The following MGAM2 variants were observed in gnomAD, a reference collection of about 807,000 sequenced individuals.
MGAM2 encodes the protein probable maltase-glucoamylase 2.
In MGAM2, 98 loss-of-function variants were observed where a neutral mutation model predicts 96.1. The observed-to-expected ratio is 1.02, with a 90% CI of 0.87 to 1.21. MGAM2 has a LOEUF of 1.21. Among genes scored for constraint, MGAM2 ranks in the 50% most tolerant of loss-of-function variants. The pLI, the probability that MGAM2 is intolerant of heterozygous loss-of-function variation, is 0.00. For synonymous variants in MGAM2, 749 were observed against 414.8 expected (o/e 1.81, Z -9.79); for missense variants, 2,055 against 1,182.4 (o/e 1.74, Z -10.82).
intron 17 of MGAM2, among the ~76,000 whole-genome samples, chr7:142,156,159 A>AC (rs1020294974): frequency 1.9e-4 from 29 of 152,118 alleles, no homozygotes; most frequent in African/African-American, 2.7e-4. Flanking sequence ...ACAAAACAAA[A>AC]AAAAAAACAA....
chr7:142,186,181 A>T (rs1000170475), intron 35 of MGAM2, 58 bp downstream of exon 35: 6 of 687,852 alleles, frequency 8.7e-6, no homozygotes, highest in Non-Finnish European at 1.6e-5. Flanking sequence ...AAGTCAAAAC[A>T]TGGGGAGGAG....
At chr7:142,179,922 C>T (rs1796488957) in intron 32 of MGAM2, among the ~76,000 whole-genome samples, 1 of 152,012 alleles carries the variant, frequency 6.6e-6, no homozygotes, top group Non-Finnish European at 1.5e-5. Flanking sequence ...GGAATAATTT[C>T]AGTAGGATTG....
At chr7:142,189,914 A>T (rs141653039) in intron 37 of MGAM2, among the ~76,000 whole-genome samples, 1 of 152,162 alleles carries the variant, frequency 6.6e-6, no homozygotes, top group Non-Finnish European at 1.5e-5. Flanking sequence ...ATCACACAAT[A>T]TGTGCTCTTT....
At chr7:142,203,808 C>T (rs144892407) in intron 45 of MGAM2, among the ~76,000 whole-genome samples, 1 of 152,072 alleles carries the variant, frequency 6.6e-6, no homozygotes, top group African/African-American at 2.4e-5. Context: ...AAGAATGAAA[C>T]TGAACCCTTA....
intron 35 of MGAM2, among the ~76,000 whole-genome samples, chr7:142,186,939 C>CT (rs1353522154): frequency 6.8e-6 from 1 of 148,126 alleles, no homozygotes; most frequent in Non-Finnish European, 1.5e-5. Context: ...ATAAGAGATG[C>CT]TGATAGCTCT....
At chr7:142,164,533 A>G (rs1795975696) in intron 23 of MGAM2, among the ~76,000 whole-genome samples, 1 of 152,110 alleles carries the variant, frequency 6.6e-6, no homozygotes. Context: ...TTGTGTGCCA[A>G]TGAGGCTCTT....
chr7:142,200,093 G>T (rs193085411), intron 45 of MGAM2, 125 bp downstream of exon 45: 139 of 476,004 alleles, frequency 2.9e-4, no homozygotes, highest in Admixed American at 5.6e-4. Context: ...AATAACATTT[G>T]GAGAATTTTT....
chr7:142,195,012 C>T (rs1341657020), intron 37 of MGAM2, among the ~76,000 whole-genome samples: 1 of 152,088 alleles, frequency 6.6e-6, no homozygotes, highest in Non-Finnish European at 1.5e-5. Context: ...GAAAGATAAA[C>T]ATCTTTTATG....
Position 142,172,720 on chromosome 7 carries a change from GT to G in MGAM2, c.3521del (p.Leu1174TrpfsTer8). The G allele has an allele frequency of 1.4e-6, 1 of 704,428 alleles. No individual in the cohort carries two copies. The highest frequency in any genetic ancestry group is 2.6e-6 in the Non-Finnish European group (1 of 385,592). The allele number at this position is 704,428 out of a possible 1,614,324, so 43.6% of individuals were successfully genotyped here. On this transcript the variant is annotated frameshift_variant, in exon 30 of 48. Transcript: ENST00000477922. LOFTEE classifies it high-confidence loss of function. ...AGGAGGGATTTTGGACTTCTACATT[GT>G]TTTGGGGCCAACCCCTGAACTTGTA... ...TTGGILDFYI[V>X]LGPTPELVTQ...
Position 142,220,557 on chromosome 7 carries a change from A to G in MGAM2, c.6046A>G (p.Thr2016Ala). 1 of 696,802 alleles carries G rather than the reference A, an allele frequency of 1.4e-6. No homozygotes were observed. Among genetic ancestry groups the G allele is most frequent in the Non-Finnish European group, 2.6e-6 (1 of 384,184 alleles). The allele number at this position is 696,802 out of a possible 1,614,324, so 43.2% of individuals were successfully genotyped here. A position where few individuals can be genotyped will look rare whatever the true frequency, so the allele number is the denominator to read the frequency against. ...TACTACTAGTGCTAGCACTAATGCT[A>G]CCCCTGTTCCTATCACAACCACACT... is the stretch of plus-strand genomic sequence containing the variant. The part of the protein sequence containing the change: ...TSTTSASTNA[T>A]PVPITTTLFA... The change falls in exon 48 of 48, where the codon ACC becomes GCC. Residue 2016 changes from threonine (T) to alanine (A), a missense_variant. Physicochemically the swap from Thr to Ala is moderately conservative, Grantham distance 58. Transcript: ENST00000477922.
At chr7:142,152,563 G>A (rs1206867319) in intron 15 of MGAM2, among the ~76,000 whole-genome samples, 2 of 152,316 alleles carry the variant, frequency 1.3e-5, no homozygotes, top group African/African-American at 4.8e-5. Flanking sequence ...CCAGGAAAAT[G>A]AAGTGAGGAG....
rs1373303584 is a variant in MGAM2 at position 142,134,074 on chromosome 7, G to A, written c.669G>A (p.Glu223=). 1.3e-6 allele frequency: 1 copy of A among 763,022 alleles called. No individual in the cohort carries two copies. The highest frequency in any genetic ancestry group is 1.7e-5 in the Admixed American group (1 of 58,734). The allele number at this position is 763,022 out of a possible 1,614,324, so 47.3% of individuals were successfully genotyped here. A position where few individuals can be genotyped will look rare whatever the true frequency, so the allele number is the denominator to read the frequency against. ...LPSANVYGLG[E]HVHQQYRHNM... ...GTGCCAATGTGTATGGGCTGGGAGA[G>A]CATGTGCACCAGCAGTACCGCCACA... Residue 223 remains glutamate, a synonymous_variant, in exon 7 of 48, where the codon GAG becomes GAA. Transcript: ENST00000477922.
At chr7:142,128,827 G>A (rs973689317) in intron 3 of MGAM2, among the ~76,000 whole-genome samples, 1 of 152,226 alleles carries the variant, frequency 6.6e-6, no homozygotes, top group Admixed American at 6.5e-5. Flanking sequence ...TCCTCTGCTA[G>A]GGCAGTGCGG....
intron 2 of MGAM2, among the ~76,000 whole-genome samples, chr7:142,119,427 T>C (rs948826371): frequency 1.3e-5 from 2 of 152,154 alleles, no homozygotes; most frequent in African/African-American, 4.8e-5. Context: ...ACAAGTGTTG[T>C]TGAGGTTACA....
At chr7:142,125,467 C>T (rs563307631) in intron 3 of MGAM2, among the ~76,000 whole-genome samples, 1 of 152,042 alleles carries the variant, frequency 6.6e-6, no homozygotes, top group Non-Finnish European at 1.5e-5. Flanking sequence ...AGACTGACCC[C>T]AGTTTCAGAG....
Position 142,203,360 on chromosome 7 carries a change from T to C in MGAM2, c.5137+3392T>C, listed in dbSNP as rs956962623. On this transcript the variant is annotated intron_variant, in intron 45 of 47. Transcript: ENST00000477922. ...CAAAAATATTTTGCCAAGACCAACGTTGAGAAATCAGACAAGACACATAAA... is the reference window on the plus strand; with the variant it reads ...CAAAAATATTTTGCCAAGACCAACGCTGAGAAATCAGACAAGACACATAAA... Among the ~76,000 whole-genome samples the C allele has an allele frequency of 2.6e-5, 4 of 152,114 alleles. No individual in the cohort carries two copies. The South Asian group carries it at 6.2e-4, about 24-fold the overall frequency.
intron 31 of MGAM2, among the ~76,000 whole-genome samples, chr7:142,174,701 T>TTCTC (rs981291215): frequency 7.1e-5 from 10 of 140,296 alleles, no homozygotes; most frequent in African/African-American, 2.6e-4. Context: ...TGCCCTTTAT[T>TTCTC]TCTCTCTCTC....
intron 32 of MGAM2, among the ~76,000 whole-genome samples, chr7:142,183,005 T>C (rs2129094727): frequency 6.6e-6 from 1 of 152,328 alleles, no homozygotes; most frequent in South Asian, 2.1e-4. Flanking sequence ...CAGATTCTTA[T>C]ACCCTTTGAA....
At chr7:142,195,345 C>CTTTTTT (rs1013124747) in intron 37 of MGAM2, among the ~76,000 whole-genome samples, 2 of 70,040 alleles carry the variant, frequency 2.9e-5, no homozygotes, top group African/African-American at 1.2e-4. Flanking sequence ...CCTTTTTACT[C>CTTTTTT]TTTTTTTTTT....
Sources: gnomAD v4.1 joint callset for allele counts (sites outside exome capture counted in the v4.1 genomes callset) on GRCh38, gnomAD v4.1.1 for gene constraint, MANE v1.5 for transcripts, NCBI Gene and HGNC (gene_info 2026-07-23, HGNC 2026-07-21) for gene names.